EXOC6B: variants seen among roughly 807,000 people sequenced by gnomAD.
The protein encoded by EXOC6B is exocyst complex component 6B, also known as SEC15 homolog B.
In EXOC6B, 54 loss-of-function variants were observed where a neutral mutation model predicts 113.5. The observed-to-expected ratio is 0.48, with a 90% CI of 0.38 to 0.60. The LOEUF is 0.60. Among genes scored for constraint, EXOC6B ranks in the 20% least tolerant of loss-of-function variants. The probability of loss-of-function intolerance (pLI) is 0.00; values close to 1 mark genes in which losing one functional copy is unlikely to be tolerated. For missense variants in EXOC6B, 797 were observed against 977.5 expected (o/e 0.82, Z 2.46); for synonymous variants, 357 against 339.0 (o/e 1.05, Z -0.58).
intron 18 of EXOC6B, among the ~76,000 whole-genome samples, chr2:72,460,050 T>C (rs564693236): frequency 0.14 from 20,628 of 151,414 alleles, 1,615 homozygotes; most frequent in African/African-American, 0.21. Context: ...GAAATAACGC[T>C]GCATATCTAC....
chr2:72,221,561 A>G (rs1313162929), intron 20 of EXOC6B, among the ~76,000 whole-genome samples: 1 of 152,052 alleles, frequency 6.6e-6, no homozygotes, highest in Non-Finnish European at 1.5e-5. Context: ...AACTACAACT[A>G]CAGAATCTAT....
At chr2:72,608,663 T>G (rs1573479232) in intron 6 of EXOC6B, among the ~76,000 whole-genome samples, 1 of 152,124 alleles carries the variant, frequency 6.6e-6, no homozygotes, top group South Asian at 2.1e-4. Context: ...AGAAATTTCT[T>G]AAAACTAAAT....
chr2:72,810,218 A>G (rs931378500), intron 1 of EXOC6B, among the ~76,000 whole-genome samples: 1 of 152,076 alleles, frequency 6.6e-6, no homozygotes, highest in African/African-American at 2.4e-5. Context: ...TCTCTACAAA[A>G]AACAATTTGA....
At chr2:72,264,629 C>A (rs1683938664) in intron 20 of EXOC6B, among the ~76,000 whole-genome samples, 1 of 152,002 alleles carries the variant, frequency 6.6e-6, no homozygotes, top group Admixed American at 6.6e-5. Flanking sequence ...TATGTCCCCA[C>A]CAAGATCTCA....
In EXOC6B at chr2:72,515,071, C is replaced by T. The variant is rs756686645; in HGVS notation, c.971G>A (p.Arg324His). 4.4e-6 allele frequency: 7 copies of T among 1,607,026 alleles called. No individual in the cohort carries two copies. In the South Asian group the frequency reaches 5.6e-5, roughly 13 times the overall value. Residue 324 changes from arginine (R) to histidine (H), a missense_variant, in exon 9 of 22, where the codon CGT becomes CAT. Transcript: ENST00000272427. ...YYRKQRRKQA[R>H]LVLQPPSNMH... The stretch of plus-strand genomic sequence containing the variant: ...GTTAGATGGAGGTTGAAGTACCAAA[C>T]GAGCCTGTTTTCGCCTCTGTTTTCG...
chr2:72,497,936 C>T (rs770356891), intron 13 of EXOC6B, among the ~76,000 whole-genome samples: 4 of 152,188 alleles, frequency 2.6e-5, no homozygotes, highest in Non-Finnish European at 4.4e-5. Flanking sequence ...GCAATAACTA[C>T]TTAAATAACA....
At chr2:72,720,695 A>G (rs1679944004) in intron 5 of EXOC6B, among the ~76,000 whole-genome samples, 1 of 152,166 alleles carries the variant, frequency 6.6e-6, no homozygotes, top group Non-Finnish European at 1.5e-5. Flanking sequence ...CAGAGGTTGC[A>G]GTGAGCTGAG....
chr2:72,628,134 T>C (rs1489277271), intron 6 of EXOC6B, among the ~76,000 whole-genome samples: 1 of 152,022 alleles, frequency 6.6e-6, no homozygotes, highest in Non-Finnish European at 1.5e-5. Context: ...ATTATTGTTA[T>C]TATTTTTTGA....
chr2:72,657,771 A>G (rs1310780988), intron 6 of EXOC6B, among the ~76,000 whole-genome samples: 1 of 150,858 alleles, frequency 6.6e-6, no homozygotes, highest in African/African-American at 2.4e-5. Flanking sequence ...TTCACATAAG[A>G]GAAAAATAAA....
intron 18 of EXOC6B, among the ~76,000 whole-genome samples, chr2:72,450,248 A>G (rs1027819878): frequency 2.6e-5 from 4 of 152,214 alleles, no homozygotes; most frequent in Admixed American, 6.5e-5. Flanking sequence ...AAAAAAAAAT[A>G]GTAAAACTCT....
chr2:72,697,105 C>T (rs200215668), intron 6 of EXOC6B, among the ~76,000 whole-genome samples: 2 of 142,674 alleles, frequency 1.4e-5, no homozygotes, highest in South Asian at 2.3e-4. Flanking sequence ...TTTTTATATA[C>T]AGATATAGAT....
chr2:72,359,346 C>T (rs1690162023), intron 19 of EXOC6B, among the ~76,000 whole-genome samples: 2 of 152,086 alleles, frequency 1.3e-5, no homozygotes, highest in South Asian at 4.2e-4. Flanking sequence ...GCCCTTTTTG[C>T]CCTTCTACCC....
intron 20 of EXOC6B, among the ~76,000 whole-genome samples, chr2:72,320,756 C>T (rs1272705422): frequency 1.3e-5 from 2 of 152,058 alleles, no homozygotes; most frequent in Non-Finnish European, 2.9e-5. Flanking sequence ...GAAGAAAAAA[C>T]TTAAGCTTTT....
intron 20 of EXOC6B, among the ~76,000 whole-genome samples, chr2:72,321,445 G>A (rs1687837864): frequency 6.7e-6 from 1 of 148,700 alleles, no homozygotes. Flanking sequence ...TGAGGCAGGA[G>A]AATTGCTTGA....
intron 19 of EXOC6B, among the ~76,000 whole-genome samples, chr2:72,337,232 G>A (rs1688741696): frequency 6.6e-6 from 1 of 152,034 alleles, no homozygotes; most frequent in African/African-American, 2.4e-5. Context: ...TTGACTACTT[G>A]GATTGTTAGG....
At chr2:72,472,967 C>G (rs898652606) in intron 17 of EXOC6B, among the ~76,000 whole-genome samples, 3 of 152,088 alleles carry the variant, frequency 2.0e-5, no homozygotes, top group African/African-American at 7.2e-5. Context: ...TGTTTAATTT[C>G]CATGTATTTG....
At chr2:72,243,347 TATCC>T (rs1454700081) in intron 20 of EXOC6B, among the ~76,000 whole-genome samples, 3 of 152,186 alleles carry the variant, frequency 2.0e-5, no homozygotes, top group Admixed American at 1.3e-4. Context: ...CCAACCCAAA[TATCC>T]ATCAATGATA....
At chr2:72,348,448 GC>G (rs1268941984) in intron 19 of EXOC6B, among the ~76,000 whole-genome samples, 1 of 152,074 alleles carries the variant, frequency 6.6e-6, no homozygotes, top group Admixed American at 6.6e-5. Flanking sequence ...GCTTCAACAA[GC>G]CTGTCAGTAC....
intron 1 of EXOC6B, among the ~76,000 whole-genome samples, chr2:72,759,819 G>A (rs938160366): frequency 6.6e-6 from 1 of 152,148 alleles, no homozygotes; most frequent in Admixed American, 6.5e-5. Context: ...AATAGAAAAA[G>A]CCACCAACCT....
Sources: allele counts gnomAD v4.1 joint callset (sites outside exome capture counted in the v4.1 genomes callset), GRCh38; gene constraint gnomAD v4.1.1; transcripts MANE v1.5; gene names NCBI Gene and HGNC (gene_info 2026-07-23, HGNC 2026-07-21).